DAB1: variants seen among roughly 807,000 people sequenced by gnomAD.
DAB1 encodes DAB adaptor protein 1, also known as disabled homolog 1.
Under a neutral mutation model 64.6 loss-of-function variants are expected in DAB1, and 15 were observed. The ratio of observed to expected loss-of-function variants is 0.23; its 90% CI spans 0.16 to 0.36. The LOEUF (loss-of-function observed/expected upper bound fraction) is 0.36. Ranked by LOEUF, DAB1 falls within the 10% of genes least tolerant of loss-of-function variation. DAB1 has a pLI of 1.00. For missense variants in DAB1, 596 were observed against 706.7 expected (o/e 0.84, Z 1.78); for synonymous variants, 235 against 251.9 (o/e 0.93, Z 0.64).
At chr1:58,130,723 G>A (rs1433025320) in intron 5 of DAB1, among the ~76,000 whole-genome samples, 1 of 151,494 alleles carries the variant, frequency 6.6e-6, no homozygotes, top group Non-Finnish European at 1.5e-5. Flanking sequence ...ATGAAGCTTA[G>A]TTTGGCTGGA....
intron 12 of DAB1, 90 bp downstream of exon 12, chr1:57,014,793 T>C: frequency 9.5e-7 from 1 of 1,054,232 alleles, no homozygotes; most frequent in Non-Finnish European, 1.4e-6. Flanking sequence ...TTAATGCAAG[T>C]GAGATGAGTT....
intron 4 of DAB1, among the ~76,000 whole-genome samples, chr1:57,081,265 G>A (rs1652526180): frequency 6.6e-6 from 1 of 152,126 alleles, no homozygotes; most frequent in South Asian, 2.1e-4. Flanking sequence ...AGAGCATCTG[G>A]TAGATGGTAG....
chr1:58,187,695 T>A (rs1256118354), intron 4 of DAB1, among the ~76,000 whole-genome samples: 5 of 151,226 alleles, frequency 3.3e-5, no homozygotes, highest in Non-Finnish European at 7.4e-5. Flanking sequence ...TTCTCATGCC[T>A]TAGCCTCCAG....
chr1:58,232,940 A>G (rs1659849230), intron 4 of DAB1, among the ~76,000 whole-genome samples: 2 of 152,030 alleles, frequency 1.3e-5, no homozygotes, highest in African/African-American at 2.4e-5. Flanking sequence ...TTTATTATCT[A>G]TTTCTCCAAG....
At chr1:57,417,599 A>T (rs971092400) in intron 1 of DAB1, among the ~76,000 whole-genome samples, 2 of 152,198 alleles carry the variant, frequency 1.3e-5, no homozygotes, top group Non-Finnish European at 2.9e-5. Context: ...AACCTTTAAC[A>T]TATCAGTAAA....
At chr1:57,630,916 T>A (rs1645981738) in intron 7 of DAB1, among the ~76,000 whole-genome samples, 1 of 152,186 alleles carries the variant, frequency 6.6e-6, no homozygotes, top group African/African-American at 2.4e-5. Flanking sequence ...CAGACCTTCA[T>A]GAATTGTAAT....
At chr1:58,419,388 G>A (rs991844918) in intron 3 of DAB1, among the ~76,000 whole-genome samples, 4 of 152,108 alleles carry the variant, frequency 2.6e-5, no homozygotes, top group Admixed American at 2.0e-4. Flanking sequence ...AAAGTTCCTG[G>A]TAAACTGTAA....
chr1:58,133,380 C>T (rs377242405), intron 5 of DAB1, among the ~76,000 whole-genome samples: 1 of 152,202 alleles, frequency 6.6e-6, no homozygotes, highest in Admixed American at 6.5e-5. Flanking sequence ...GCTAATGCCT[C>T]ATCTGATCTG....
chr1:57,215,933 G>C (rs948068417), intron 2 of DAB1, among the ~76,000 whole-genome samples: 1 of 152,186 alleles, frequency 6.6e-6, no homozygotes, highest in Non-Finnish European at 1.5e-5. Flanking sequence ...AAAGGACTCC[G>C]TGGGAGACCC....
intron 1 of DAB1, among the ~76,000 whole-genome samples, chr1:58,537,819 T>C (rs1003234747): frequency 2.6e-5 from 4 of 152,204 alleles, no homozygotes; most frequent in African/African-American, 9.6e-5. Flanking sequence ...CATGACATTA[T>C]CCTTTATTTA....
chr1:57,136,683 T>C, intron 3 of DAB1, 42 bp from the exon 4 acceptor site: 1 of 1,388,564 alleles, frequency 7.2e-7, no homozygotes. Context: ...AGTGTTTTCA[T>C]TTGAAAATTC....
intron 6 of DAB1, among the ~76,000 whole-genome samples, chr1:57,688,122 C>G (rs537075314): frequency 6.6e-6 from 1 of 152,166 alleles, no homozygotes; most frequent in African/African-American, 2.4e-5. Flanking sequence ...ACAGAATAAA[C>G]AGACAACCAA....
At chr1:57,026,083 G>T (rs181609758) in intron 9 of DAB1, 40 bp from the exon 10 acceptor site, 2 of 1,481,376 alleles carry the variant, frequency 1.4e-6, no homozygotes, top group African/African-American at 1.4e-5. Flanking sequence ...TACAAAGAAA[G>T]CTGGTGCTGC....
At chr1:58,353,819 T>TA (rs11409847) in intron 3 of DAB1, among the ~76,000 whole-genome samples, 75,947 of 151,058 alleles carry the variant, frequency 0.5, 18,995 homozygotes, top group East Asian at 0.59. Context: ...TCTTGTTTAA[T>TA]AAAAAAAAAG....
chr1:58,498,118 T>G (rs1252386529), intron 3 of DAB1, among the ~76,000 whole-genome samples: 1 of 152,122 alleles, frequency 6.6e-6, no homozygotes, highest in Non-Finnish European at 1.5e-5. Flanking sequence ...ATGAAGCAAG[T>G]GTATAAAAGG....
chr1:57,087,581 C>G (rs1315722271), intron 4 of DAB1, among the ~76,000 whole-genome samples: 1 of 152,122 alleles, frequency 6.6e-6, no homozygotes, highest in Non-Finnish European at 1.5e-5. Context: ...TCCAGAGCAA[C>G]CTCTCTCTGC....
intron 4 of DAB1, among the ~76,000 whole-genome samples, chr1:58,314,502 T>TAG (rs554042609): frequency 3.9e-5 from 6 of 152,334 alleles, no homozygotes; most frequent in African/African-American, 1.4e-4. Flanking sequence ...CCTCAAGATC[T>TAG]AGACTTGATA....
intron 7 of DAB1, among the ~76,000 whole-genome samples, chr1:57,611,139 T>TTA (rs1312842562): frequency 6.6e-6 from 1 of 151,010 alleles, no homozygotes; most frequent in Non-Finnish European, 1.5e-5. Flanking sequence ...TTTTTTTTTT[T>TTA]TTTTTTTGCA....
chr1:58,398,952 GAACCA>G (rs1219384428), intron 3 of DAB1, among the ~76,000 whole-genome samples: 1 of 152,140 alleles, frequency 6.6e-6, no homozygotes, highest in Non-Finnish European at 1.5e-5. Flanking sequence ...ACCAGATGGA[GAACCA>G]AATTTTAAAA....
Sources: allele counts gnomAD v4.1 joint callset (sites outside exome capture counted in the v4.1 genomes callset), GRCh38; gene constraint gnomAD v4.1.1; transcripts MANE v1.5; gene names NCBI Gene and HGNC (gene_info 2026-07-23, HGNC 2026-07-21).